The following HSP90B1 variants were observed in gnomAD, a reference collection of about 807,000 sequenced individuals.
HSP90B1 encodes the protein endoplasmin.
A neutral mutation model predicts 100.4 loss-of-function variants in HSP90B1; 27 were observed. That is an observed-to-expected ratio of 0.27 (90% confidence interval 0.20 to 0.37). The LOEUF is 0.37. Among genes scored for constraint, HSP90B1 ranks in the 10% least tolerant of loss-of-function variants. The probability of loss-of-function intolerance (pLI) is 1.00; values close to 1 mark genes in which losing one functional copy is unlikely to be tolerated. For synonymous variants in HSP90B1, 304 were observed against 330.8 expected (o/e 0.92, Z 0.88); for missense variants, 678 against 960.5 (o/e 0.71, Z 3.89).
Position 103,931,539 on chromosome 12 carries a change from A to T in HSP90B1, c.68A>T (p.Asp23Val). 2 of 1,613,626 alleles carry T rather than the reference A, an allele frequency of 1.2e-6. No homozygotes were observed. The highest frequency in any genetic ancestry group is 1.7e-6 in the Non-Finnish European group (2 of 1,179,616). ...TCTTCAGGGTCGGTCAGAGCTGACG[A>T]TGAAGTTGATGTGGATGGTACAGTA... Reference protein sequence around the residue: ...LLTFGSVRADDEVDVDGTVEE... With the variant: ...LLTFGSVRADVEVDVDGTVEE... The change falls in exon 2 of 18, where the codon GAT becomes GTT. Residue 23 changes from aspartate (D) to valine (V), a missense_variant. Coordinates refer to ENST00000299767, the MANE Select transcript of HSP90B1 (RefSeq NM_003299.3).
In HSP90B1 at chr12:103,943,734, T is replaced by G; in HGVS notation, c.1891-4T>G. On this transcript the variant is annotated splice_polypyrimidine_tract_variant and splice_region_variant and intron_variant, in intron 13 of 17. Coordinates refer to ENST00000299767, the MANE Select transcript of HSP90B1 (RefSeq NM_003299.3). The surrounding 1 kb of genome is among the most constrained non-coding windows in gnomAD (Gnocchi z 5.3). ...ATTTATATGACTTGATTTCTTTCCC[T>G]AAGATTGAAAAGGCTGTGGTGTCTC... 2 of 1,610,952 alleles carry G rather than the reference T, an allele frequency of 1.2e-6. No individual in the cohort carries two copies. The highest frequency in any genetic ancestry group is 1.7e-6 in the Non-Finnish European group (2 of 1,179,008).
Position 103,934,115 on chromosome 12 carries a change from T to C in HSP90B1, c.571T>C (p.Leu191=), listed in dbSNP as rs376154262. 6 of 1,614,232 alleles carry C rather than the reference T, an allele frequency of 3.7e-6. No homozygotes were observed. In the Middle Eastern group the frequency reaches 4.9e-4, roughly 133 times the overall value. ...GGAAGATGGCCAGTCAACTTCTGAA[T>C]TGATTGGCCAGTTTGGTGTCGGTTT... ...AQEDGQSTSE[L]IGQFGVGFYS... is the part of the protein sequence containing the mutation. The change falls in exon 5 of 18, where the codon TTG becomes CTG. Residue 191 remains leucine, a synonymous_variant. Transcript: ENST00000299767.
intron 7 of HSP90B1, among the ~76,000 whole-genome samples, chr12:103,938,972 G>A (rs1555271325): frequency 2.6e-5 from 4 of 152,034 alleles, no homozygotes; most frequent in Non-Finnish European, 5.9e-5. Flanking sequence ...AAATAACAAT[G>A]AAGAAAAACT....
intron 14 of HSP90B1, among the ~76,000 whole-genome samples, chr12:103,944,984 T>C (rs540191530): frequency 2.0e-5 from 3 of 152,360 alleles, no homozygotes; most frequent in South Asian, 2.1e-4. Flanking sequence ...TGATATCCCA[T>C]TGCAATAGTA....
intron 14 of HSP90B1, among the ~76,000 whole-genome samples, chr12:103,946,417 T>C (rs1260693118): frequency 6.6e-6 from 1 of 151,702 alleles, no homozygotes; most frequent in African/African-American, 2.4e-5. Flanking sequence ...TTGCTGAACC[T>C]GCACATACGG....
At chr12:103,937,851 G>T in intron 6 of HSP90B1, 45 bp downstream of exon 6, 7 of 978,496 alleles carry the variant, frequency 7.2e-6, no homozygotes, top group Non-Finnish European at 1.1e-5. Context: ...ACCTTGGCAC[G>T]TATTTAAATA....
At chr12:103,944,558 CTT>C (rs563203951) in intron 14 of HSP90B1, among the ~76,000 whole-genome samples, 2 of 146,682 alleles carry the variant, frequency 1.4e-5, no homozygotes, top group African/African-American at 2.5e-5. Context: ...CTTAAGGATT[CTT>C]TTTTTTTTTC....
At chr12:103,935,847 T>TA (rs1869900332) in intron 5 of HSP90B1, among the ~76,000 whole-genome samples, 1 of 152,214 alleles carries the variant, frequency 6.6e-6, no homozygotes, top group African/African-American at 2.4e-5. Context: ...ATTATCTGGA[T>TA]ATAAGCTCCA....
intron 3 of HSP90B1, 151 bp downstream of exon 3, chr12:103,932,569 T>C: frequency 1.4e-6 from 1 of 715,794 alleles, no homozygotes. Flanking sequence ...TGCTACCAGA[T>C]ATCTGGGAAG....
In HSP90B1 at chr12:103,947,380, G is replaced by A. The variant is rs760087578; in HGVS notation, c.2332G>A (p.Glu778Lys). 1.3e-5 allele frequency: 21 copies of A among 1,610,078 alleles called. No individual in the cohort carries two copies. The highest frequency in any genetic ancestry group is 1.6e-4 in the Middle Eastern group (1 of 6,078). ...EDTTEDTEQD[E>K]DEEMDVGTDE... is the part of the protein sequence containing the mutation. The stretch of plus-strand genomic sequence containing the variant: ...CACAACAGAAGACACAGAGCAAGAC[G>A]AAGATGAAGAAATGGATGTGGGAAC... Residue 778 changes from glutamate (E) to lysine (K), a missense_variant, in exon 17 of 18, where the codon GAA (glutamate) becomes AAA (lysine). Glu to Lys is a moderately conservative substitution (Grantham distance 56). This residue lies in a region of HSP90B1 where 65 missense variants were observed against 65.1 expected (regional missense o/e 1.00). Transcript: ENST00000299767.
chr12:103,938,366 GGAA>G lies in HSP90B1; in HGVS notation c.890_892del (p.Glu297del), dbSNP rs1288379550. On this transcript the variant is annotated inframe_deletion, in exon 7 of 18. Transcript: ENST00000299767. ...CTGAAACTGTTGAGGAGCCCATGGA[GGAA>G]GAAGAAGCAGCCAAAGAAGAGAAAG... 3.2e-6 allele frequency: 5 copies of G among 1,562,660 alleles called. No homozygotes were observed. Among genetic ancestry groups the G allele is most frequent in the Non-Finnish European group, 4.3e-6 (5 of 1,149,484 alleles).
chr12:103,942,804 G>T lies in HSP90B1; in HGVS notation c.1644+8G>T. 1 of 1,613,212 alleles carries T rather than the reference G, an allele frequency of 6.2e-7. No homozygotes were observed. The highest frequency in any genetic ancestry group is 1.1e-5 in the South Asian group (1 of 90,922). On this transcript the variant is annotated splice_region_variant and intron_variant, in intron 12 of 17. Coordinates refer to ENST00000299767, the MANE Select transcript of HSP90B1 (RefSeq NM_003299.3). ...GGGTCCAGCAGAAAAGAGGTGAGAT[G>T]AACTCATAAGTGTTGTCAGCCATTC... is the stretch of plus-strand genomic sequence containing the variant.
intron 11 of HSP90B1, among the ~76,000 whole-genome samples, 159 bp downstream of exon 11, chr12:103,942,056 C>T (rs551042835): frequency 6.6e-6 from 1 of 152,146 alleles, no homozygotes; most frequent in Admixed American, 6.5e-5. Context: ...GAATCTGATT[C>T]TTTTTCTCCC....
intron 7 of HSP90B1, chr12:103,938,778 GA>G (rs1458963333): frequency 1.2e-5 from 2 of 160,458 alleles, no homozygotes; most frequent in African/African-American, 2.4e-5. Flanking sequence ...ATCATGCAGA[GA>G]TTAACCATAA....
intron 5 of HSP90B1, among the ~76,000 whole-genome samples, chr12:103,935,427 T>C (rs1869884656): frequency 6.6e-6 from 1 of 152,118 alleles, no homozygotes; most frequent in South Asian, 2.1e-4. Context: ...GCTAAGTGAG[T>C]AACAGAATGT....
At chr12:103,946,183 T>C (rs1412058772) in intron 14 of HSP90B1, among the ~76,000 whole-genome samples, 4 of 152,230 alleles carry the variant, frequency 2.6e-5, no homozygotes, top group Non-Finnish European at 4.4e-5. Flanking sequence ...TTGCCCTTTC[T>C]AATATTTTCA....
At position 103,930,820 on chromosome 12, in the gene HSP90B1, G is replaced by T. The variant is rs1364173581; in HGVS notation, c.49+256G>T. Among the ~76,000 whole-genome samples the T allele has an allele frequency of 2.0e-5, 3 of 152,084 alleles. No homozygotes were observed. The highest frequency in any genetic ancestry group is 2.9e-5 in the Non-Finnish European group (2 of 68,010). On this transcript the variant is annotated intron_variant, in intron 1 of 17. Transcript: ENST00000299767. The surrounding 1 kb of genome is among the most constrained non-coding windows in gnomAD (Gnocchi z 4.4). ...CCGGAGGTCTCAGCGACCTCGGGGTGGGGCCTCTCTGAGGCTCTGGCTCCC... is the reference window on the plus strand; with the variant it reads ...CCGGAGGTCTCAGCGACCTCGGGGTTGGGCCTCTCTGAGGCTCTGGCTCCC...
chr12:103,931,745 C>A, intron 2 of HSP90B1, 122 bp downstream of exon 2: 1 of 745,096 alleles, frequency 1.3e-6, no homozygotes. Flanking sequence ...TATTTAAATA[C>A]CCGGTGAGTT....
chr12:103,939,642 C>A lies in HSP90B1; in HGVS notation c.1092+17C>A. 1 of 1,179,336 alleles carries A rather than the reference C, an allele frequency of 8.5e-7. No individual in the cohort carries two copies. Among genetic ancestry groups the A allele is most frequent in the South Asian group, 1.5e-5 (1 of 68,846 alleles). 73.1% of individuals were successfully genotyped at this position (1,179,336 alleles called of 1,614,324 possible). On this transcript the variant is annotated intron_variant, in intron 8 of 17. Coordinates refer to ENST00000299767, the MANE Select transcript of HSP90B1 (RefSeq NM_003299.3). Reference sequence around the variant, plus strand: ...TTTTCAAAGGTAAATATTTATAATTCCCTAGTTTCTGGTTATTAATGAATA... The same window carrying A: ...TTTTCAAAGGTAAATATTTATAATTACCTAGTTTCTGGTTATTAATGAATA...
Sources: gnomAD v4.1 joint callset for allele counts (sites outside exome capture counted in the v4.1 genomes callset) on GRCh38, gnomAD v4.1.1 for gene constraint, gnomAD v4.1.1 regional missense constraint, Gnocchi (gnomAD v3.1) non-coding constraint, MANE v1.5 for transcripts, NCBI Gene and HGNC (gene_info 2026-07-23, HGNC 2026-07-21) for gene names.